The following DYSF variants were observed in gnomAD, a reference collection of about 807,000 sequenced individuals.
The protein encoded by DYSF is dysferlin.
In DYSF, 212 loss-of-function variants were observed where a neutral mutation model predicts 274.9. That is an observed-to-expected ratio of 0.77 (90% CI 0.69 to 0.86). DYSF has a LOEUF of 0.86. DYSF is among the 40% of genes least tolerant of loss of function. DYSF has a pLI of 0.00. For missense variants in DYSF, 2,666 were observed against 2,783.2 expected, an observed-to-expected ratio of 0.96 and a Z score of 0.95; for synonymous variants, 1,091 against 1,078.7, an observed-to-expected ratio of 1.01 and a Z score of -0.22.
chr2:71,620,545 A>C lies in DYSF; in HGVS notation c.4465-2A>C. 6.4e-7 allele frequency: 1 copy of C among 1,551,706 alleles called. No homozygotes were observed. Among genetic ancestry groups the C allele is most frequent in the Non-Finnish European group, 8.7e-7 (1 of 1,146,996 alleles). Reference sequence around the variant, plus strand: ...TTGCTAACCAGCATGTTTCATTTGTAGCTTGCAGACGGTCTGTCGAGCTTG... The same window carrying C: ...TTGCTAACCAGCATGTTTCATTTGTCGCTTGCAGACGGTCTGTCGAGCTTG... On this transcript the variant is annotated splice_acceptor_variant, in intron 40 of 55. Coordinates refer to ENST00000410020, the MANE Select transcript of DYSF (RefSeq NM_001130987.2). LOFTEE classifies it high-confidence loss of function.
At chr2:71,472,384 T>A (rs995759118) in intron 1 of DYSF, among the ~76,000 whole-genome samples, 1 of 152,210 alleles carries the variant, frequency 6.6e-6, no homozygotes, top group Admixed American at 6.5e-5. Flanking sequence ...CACACAGCAT[T>A]GTCCTGTAAA....
intron 41 of DYSF, among the ~76,000 whole-genome samples, chr2:71,638,040 T>C (rs1040994243): frequency 3.3e-5 from 5 of 151,910 alleles, no homozygotes; most frequent in African/African-American, 1.2e-4. Context: ...GAAGAGGGAA[T>C]TGCAGCCAAG....
chr2:71,470,597 C>T (rs1394878172), intron 1 of DYSF, among the ~76,000 whole-genome samples: 1 of 149,168 alleles, frequency 6.7e-6, no homozygotes, highest in African/African-American at 2.5e-5. Flanking sequence ...TGGCATGAAC[C>T]CAGGAGACGG....
chr2:71,564,853 G>C (rs1457739756), intron 24 of DYSF, among the ~76,000 whole-genome samples: 1 of 152,242 alleles, frequency 6.6e-6, no homozygotes, highest in Admixed American at 6.5e-5. Context: ...GTGACAGGGA[G>C]GTGAGTGGGT....
intron 1 of DYSF, among the ~76,000 whole-genome samples, chr2:71,454,504 G>C (rs1441609355): frequency 6.6e-6 from 1 of 152,202 alleles, no homozygotes; most frequent in Non-Finnish European, 1.5e-5. Context: ...GCCCCGATCT[G>C]CGCCTGGCTG....
chr2:71,484,982 G>A (rs1367853638), intron 3 of DYSF, among the ~76,000 whole-genome samples: 1 of 152,168 alleles, frequency 6.6e-6, no homozygotes, highest in East Asian at 1.9e-4. Context: ...AGTGCCCCAT[G>A]TGAGCAGTTC....
At chr2:71,659,764 G>T (rs1393348903) in intron 44 of DYSF, among the ~76,000 whole-genome samples, 1 of 152,218 alleles carries the variant, frequency 6.6e-6, no homozygotes, top group Non-Finnish European at 1.5e-5. Context: ...CTGGAGTTAT[G>T]GGGAGGTGAC....
chr2:71,665,662 T>A (rs2094986628), intron 47 of DYSF, among the ~76,000 whole-genome samples: 1 of 152,178 alleles, frequency 6.6e-6, no homozygotes, highest in African/African-American at 2.4e-5. Context: ...TGGTTGGAGT[T>A]TGGGGTACAG....
intron 16 of DYSF, among the ~76,000 whole-genome samples, chr2:71,538,179 C>T (rs757092460): frequency 2.6e-5 from 4 of 152,158 alleles, no homozygotes; most frequent in African/African-American, 4.8e-5. Flanking sequence ...CTGGTAGTGC[C>T]GATGTGAGAA....
chr2:71,471,738 G>A (rs961206599), intron 1 of DYSF, among the ~76,000 whole-genome samples: 7 of 152,210 alleles, frequency 4.6e-5, no homozygotes, highest in Non-Finnish European at 1.0e-4. Context: ...GGGAGGCTGA[G>A]GTGGGCGGAT....
chr2:71,570,437 C>G, intron 28 of DYSF, 103 bp downstream of exon 28: 3 of 1,434,386 alleles, frequency 2.1e-6, no homozygotes, highest in Non-Finnish European at 2.9e-6. Flanking sequence ...GCTATTTCAC[C>G]CAGGGACGCT....
intron 41 of DYSF, among the ~76,000 whole-genome samples, chr2:71,623,895 C>A (rs1278194225): frequency 6.6e-6 from 1 of 152,110 alleles, no homozygotes; most frequent in Non-Finnish European, 1.5e-5. Flanking sequence ...ATAGTGAAAC[C>A]CTGTCTCTAC....
chr2:71,515,418 T>C (rs1293230376), intron 7 of DYSF, among the ~76,000 whole-genome samples: 1 of 152,170 alleles, frequency 6.6e-6, no homozygotes, highest in African/African-American at 2.4e-5. Context: ...AGCTCTTCTA[T>C]GGAGCTGTGG....
chr2:71,502,188 C>T (rs974021963), intron 3 of DYSF, among the ~76,000 whole-genome samples: 1 of 151,656 alleles, frequency 6.6e-6, no homozygotes, highest in Non-Finnish European at 1.5e-5. Flanking sequence ...TTAAAAATCA[C>T]CTCGTTAGGT....
intron 10 of DYSF, among the ~76,000 whole-genome samples, chr2:71,518,188 A>G (rs972922524): frequency 3.9e-5 from 6 of 152,140 alleles, no homozygotes; most frequent in Non-Finnish European, 2.9e-5. Flanking sequence ...CCGAGAGCCA[A>G]TGGATTTAAC....
At chr2:71,537,280 CTT>C in intron 16 of DYSF, among the ~76,000 whole-genome samples, 1 of 112,624 alleles carries the variant, frequency 8.9e-6, no homozygotes, top group Non-Finnish European at 1.7e-5. Context: ...GAGTTTCGCT[CTT>C]GTCACCCAGG....
intron 9 of DYSF, among the ~76,000 whole-genome samples, 192 bp downstream of exon 9, chr2:71,516,434 A>G (rs940539542): frequency 6.6e-6 from 1 of 152,162 alleles, no homozygotes; most frequent in Non-Finnish European, 1.5e-5. Context: ...TGACATATGG[A>G]TGATGTGGAG....
intron 33 of DYSF, 42 bp downstream of exon 33, chr2:71,598,787 G>C: frequency 1.9e-6 from 3 of 1,602,244 alleles, no homozygotes; most frequent in Non-Finnish European, 2.5e-6. Context: ...CACAGGGAGG[G>C]ACCATGTGCA....
upstream of DYSF, among the ~76,000 whole-genome samples, chr2:71,464,699 C>A (rs1206230817): frequency 6.6e-6 from 1 of 152,058 alleles, no homozygotes; most frequent in Non-Finnish European, 1.5e-5. Flanking sequence ...CACGTAAGGC[C>A]TTTGAGTTTT....
Sources: gnomAD v4.1 joint callset for allele counts (sites outside exome capture counted in the v4.1 genomes callset) on GRCh38, gnomAD v4.1.1 for gene constraint, MANE v1.5 for transcripts, NCBI Gene and HGNC (gene_info 2026-07-23, HGNC 2026-07-21) for gene names.